MARCHF1: variants seen among roughly 807,000 people sequenced by gnomAD.
The protein encoded by MARCHF1 is membrane associated ring-CH-type finger 1.
In MARCHF1, 40 loss-of-function variants were observed where a neutral mutation model predicts 54.2. That is an observed-to-expected ratio of 0.74 (90% CI 0.57 to 0.96). The LOEUF (loss-of-function observed/expected upper bound fraction) is 0.96. Ranked by LOEUF, MARCHF1 falls within the 40% of genes least tolerant of loss-of-function variation. The pLI, the probability that MARCHF1 is intolerant of heterozygous loss-of-function variation, is 0.00. For missense variants in MARCHF1, 586 were observed against 656.5 expected, an observed-to-expected ratio of 0.89 and a Z score of 1.17; for synonymous variants, 236 against 236.3, an observed-to-expected ratio of 1.00 and a Z score of 0.01.
chr4:163,587,726 C>T (rs1740455223), intron 7 of MARCHF1, among the ~76,000 whole-genome samples: 1 of 152,028 alleles, frequency 6.6e-6, no homozygotes, highest in African/African-American at 2.4e-5. Flanking sequence ...ATGCAATACA[C>T]CCATGTAACA....
intron 2 of MARCHF1, among the ~76,000 whole-genome samples, chr4:163,997,213 T>G (rs1303355650): frequency 6.6e-6 from 1 of 152,016 alleles, no homozygotes; most frequent in African/African-American, 2.4e-5. Flanking sequence ...AACCAGTGTT[T>G]GCATTTTATA....
At chr4:163,733,224 CGTGTATATATATAT>C (rs1745922494) in intron 4 of MARCHF1, among the ~76,000 whole-genome samples, 1 of 11,498 alleles carries the variant, frequency 8.7e-5, no homozygotes, top group Non-Finnish European at 2.4e-4. Context: ...TATATATACA[CGTGTATATATATAT>C]ATACACGTGT....
chr4:163,682,842 T>C (rs1173884722), intron 5 of MARCHF1, among the ~76,000 whole-genome samples: 1 of 152,168 alleles, frequency 6.6e-6, no homozygotes, highest in Non-Finnish European at 1.5e-5. Context: ...TCCCAAGCCA[T>C]GCTAAACTGT....
At chr4:163,988,743 A>G (rs1752916551) in intron 2 of MARCHF1, 34 bp from the exon 3 acceptor site, 1 of 152,240 alleles carries the variant, frequency 6.6e-6, no homozygotes, top group South Asian at 2.1e-4. Flanking sequence ...TGTTTGAGAC[A>G]CTGTGCAGCA....
chr4:164,372,816 A>G (rs1336286450), intron 1 of MARCHF1, among the ~76,000 whole-genome samples: 1 of 152,150 alleles, frequency 6.6e-6, no homozygotes, highest in Non-Finnish European at 1.5e-5. Flanking sequence ...AAGGAAAAAT[A>G]AAACACTCAC....
chr4:163,594,763 C>T (rs1740707182), intron 7 of MARCHF1, among the ~76,000 whole-genome samples: 1 of 141,224 alleles, frequency 7.1e-6, no homozygotes, highest in Non-Finnish European at 1.6e-5. Flanking sequence ...AACACAAACA[C>T]ACACACACAC....
intron 3 of MARCHF1, among the ~76,000 whole-genome samples, chr4:163,950,837 AG>A (rs1752120957): frequency 6.6e-6 from 1 of 152,268 alleles, no homozygotes; most frequent in Non-Finnish European, 1.5e-5. Context: ...TACATATTCA[AG>A]AAATTGATCT....
chr4:163,661,417 G>A (rs1007825891), intron 5 of MARCHF1, among the ~76,000 whole-genome samples: 12 of 151,914 alleles, frequency 7.9e-5, no homozygotes, highest in Non-Finnish European at 1.6e-4. Flanking sequence ...ATTTCAAGCT[G>A]TTGCTTTGCC....
intron 2 of MARCHF1, among the ~76,000 whole-genome samples, chr4:164,071,119 A>G (rs1754854668): frequency 6.6e-6 from 1 of 152,210 alleles, no homozygotes; most frequent in Admixed American, 6.5e-5. Context: ...TATCAGTAGC[A>G]TGAAAACAAA....
At chr4:164,069,754 C>A (rs761735809) in intron 2 of MARCHF1, among the ~76,000 whole-genome samples, 1 of 152,114 alleles carries the variant, frequency 6.6e-6, no homozygotes, top group Non-Finnish European at 1.5e-5. Flanking sequence ...TCTGGACACA[C>A]CATTACTAGG....
chr4:163,537,662 G>C (rs1175424000), intron 9 of MARCHF1, among the ~76,000 whole-genome samples: 1 of 152,088 alleles, frequency 6.6e-6, no homozygotes, highest in African/African-American at 2.4e-5. Context: ...AAGCATTAAG[G>C]GGAAACATTT....
intron 1 of MARCHF1, among the ~76,000 whole-genome samples, chr4:164,292,658 C>A (rs1734312944): frequency 6.6e-6 from 1 of 152,082 alleles, no homozygotes; most frequent in Non-Finnish European, 1.5e-5. Context: ...TGGACAATAG[C>A]AAACATAATT....
chr4:163,983,151 G>C (rs918252348), intron 3 of MARCHF1, among the ~76,000 whole-genome samples: 2 of 152,184 alleles, frequency 1.3e-5, no homozygotes, highest in Non-Finnish European at 2.9e-5. Flanking sequence ...TGCATTTGAA[G>C]ACAAACACGG....
At chr4:164,350,931 C>T (rs369745534) in intron 1 of MARCHF1, among the ~76,000 whole-genome samples, 103 of 152,076 alleles carry the variant, frequency 6.8e-4, no homozygotes, top group African/African-American at 2.0e-3. Context: ...CGAAGCAGGG[C>T]GAGGCATTGC....
rs565092729 is a variant in MARCHF1 at position 163,612,566 on chromosome 4, T to C, written c.715A>G (p.Arg239Gly). The C allele has an allele frequency of 6.5e-7, 1 of 1,535,476 alleles. No individual in the cohort carries two copies. Among genetic ancestry groups the C allele is most frequent in the Non-Finnish European group, 8.7e-7 (1 of 1,146,554 alleles). ...AGAGAAGGGTTGCATTCTTGGTACC[T>C]TGTATGTTTTCCTCTGTGGAGATTT... ...SLNLHRGKHT[R>G]YQECNPSLTQ... is the part of the protein sequence containing the mutation. The change falls in exon 7 of 10, where the codon AGG (arginine) becomes GGG (glycine). Residue 239 changes from arginine (R) to glycine (G), a missense_variant. By Grantham distance (125) the Arg-to-Gly change is moderately radical (BLOSUM62 -2). This residue lies in a region of MARCHF1 where 387 missense variants were observed against 394.6 expected (regional missense o/e 0.98). Coordinates refer to ENST00000514618, the MANE Select transcript of MARCHF1 (RefSeq NM_001394959.1).
chr4:163,778,868 G>C (rs1205054055), intron 4 of MARCHF1, among the ~76,000 whole-genome samples: 1 of 151,960 alleles, frequency 6.6e-6, no homozygotes, highest in Non-Finnish European at 1.5e-5. Context: ...AGGGTGGGAG[G>C]GGGGTATATG....
At chr4:163,820,501 T>C (rs1748662431) in intron 4 of MARCHF1, among the ~76,000 whole-genome samples, 3 of 152,096 alleles carry the variant, frequency 2.0e-5, no homozygotes, top group Non-Finnish European at 1.5e-5. Flanking sequence ...TACTCATACG[T>C]ATCTTCAACC....
At chr4:164,089,581 T>C (rs1192253101) in intron 2 of MARCHF1, among the ~76,000 whole-genome samples, 1 of 152,134 alleles carries the variant, frequency 6.6e-6, no homozygotes, top group African/African-American at 2.4e-5. Flanking sequence ...GCTCTTTGTT[T>C]AAAATAAACA....
At chr4:164,105,888 G>C (rs949350547) in intron 2 of MARCHF1, among the ~76,000 whole-genome samples, 8 of 148,164 alleles carry the variant, frequency 5.4e-5, no homozygotes, top group Non-Finnish European at 1.0e-4. Flanking sequence ...CTAATATCTA[G>C]AATCTACAAT....
Sources: allele counts gnomAD v4.1 joint callset (sites outside exome capture counted in the v4.1 genomes callset), GRCh38; gene constraint gnomAD v4.1.1; regional missense constraint gnomAD v4.1.1; transcripts MANE v1.5; gene names NCBI Gene and HGNC (gene_info 2026-07-23, HGNC 2026-07-21).